NRG3: variants seen among roughly 807,000 people sequenced by gnomAD.
The protein encoded by NRG3 is neuregulin 3, also known as pro-neuregulin-3, membrane-bound isoform.
Under a neutral mutation model 66.9 loss-of-function variants are expected in NRG3, and 31 were observed. That is an observed-to-expected ratio of 0.46 (90% CI 0.35 to 0.63). The LOEUF is 0.63. Among genes scored for constraint, NRG3 ranks in the 20% least tolerant of loss-of-function variants. NRG3 has a pLI of 0.00. For synonymous variants in NRG3, 393 were observed against 359.4 expected (o/e 1.09, Z -1.06); for missense variants, 910 against 878.9 (o/e 1.04, Z -0.45).
chr10:82,523,702 G>A (rs1302697571), intron 2 of NRG3, among the ~76,000 whole-genome samples: 1 of 151,990 alleles, frequency 6.6e-6, no homozygotes, highest in Non-Finnish European at 1.5e-5. Context: ...TTGCCAAATT[G>A]TATTTGCTTA....
chr10:82,524,968 T>C (rs530968522), intron 2 of NRG3, among the ~76,000 whole-genome samples: 22 of 152,048 alleles, frequency 1.4e-4, no homozygotes, highest in African/African-American at 4.8e-4. Context: ...GATCTTTCAC[T>C]ACAATGTGTT....
In NRG3 at chr10:82,052,909, T is replaced by G. The variant is rs2063667121; in HGVS notation, c.823+176746T>G. Among the ~76,000 whole-genome samples the G allele has an allele frequency of 2.0e-5, 3 of 152,076 alleles. No homozygotes were observed. The East Asian group carries it at 5.8e-4, about 29-fold the overall frequency. ...TATAGGGCTACATTATAGGAAAGCA[T>G]TTGCAACTACACAAGAAAATATGAA... On this transcript the variant is annotated intron_variant, in intron 1 of 8. Coordinates refer to ENST00000372141, the MANE Select transcript of NRG3 (RefSeq NM_001010848.4).
chr10:82,412,900 T>C (rs907668935), intron 2 of NRG3, among the ~76,000 whole-genome samples: 3 of 152,192 alleles, frequency 2.0e-5, no homozygotes, highest in Non-Finnish European at 4.4e-5. Flanking sequence ...TTCAACTTTT[T>C]CATGAGATTG....
intron 1 of NRG3, among the ~76,000 whole-genome samples, chr10:82,018,322 G>C (rs573032967): frequency 8.5e-5 from 13 of 152,252 alleles, no homozygotes; most frequent in Admixed American, 7.2e-4. Flanking sequence ...GTACCATGCT[G>C]TTTTGGTTAC....
At chr10:82,267,146 T>G (rs553611775) in intron 1 of NRG3, among the ~76,000 whole-genome samples, 9 of 152,268 alleles carry the variant, frequency 5.9e-5, no homozygotes, top group Admixed American at 2.6e-4. Context: ...CTCCTTTGGT[T>G]TGACAAGCAG....
chr10:82,915,702 G>A (rs1283020764), intron 4 of NRG3, among the ~76,000 whole-genome samples: 3 of 152,200 alleles, frequency 2.0e-5, no homozygotes, highest in Middle Eastern at 3.4e-3. Context: ...ATATGTAAAT[G>A]TGCTGTACAA....
chr10:82,559,382 C>T (rs965572929), intron 2 of NRG3, among the ~76,000 whole-genome samples: 2 of 152,232 alleles, frequency 1.3e-5, no homozygotes, highest in South Asian at 2.1e-4. Context: ...CTGAGACTAC[C>T]GTCTAGTTCT....
intron 4 of NRG3, among the ~76,000 whole-genome samples, chr10:82,877,562 G>GTTTTTTTTTTTTTTT (rs1841946723): frequency 9.1e-6 from 1 of 109,302 alleles, no homozygotes; most frequent in Non-Finnish European, 1.7e-5. Flanking sequence ...TTTTTTTTTG[G>GTTTTTTTTTTTTTTT]ATTTTTAGTG....
intron 2 of NRG3, among the ~76,000 whole-genome samples, chr10:82,552,341 A>T (rs1036941470): frequency 6.6e-6 from 1 of 152,142 alleles, no homozygotes; most frequent in Non-Finnish European, 1.5e-5. Flanking sequence ...ATTTTTTTTA[A>T]CATGGCAGTA....
intron 2 of NRG3, among the ~76,000 whole-genome samples, chr10:82,733,132 A>C (rs1291784661): frequency 6.6e-6 from 1 of 152,236 alleles, no homozygotes; most frequent in Non-Finnish European, 1.5e-5. Context: ...TTTATGTCTA[A>C]AATCAAGGTC....
intron 1 of NRG3, among the ~76,000 whole-genome samples, chr10:82,012,687 T>C (rs2061629358): frequency 6.6e-6 from 1 of 152,206 alleles, no homozygotes; most frequent in Admixed American, 6.5e-5. Flanking sequence ...TAGAAATTTC[T>C]TCCACCAGAT....
At chr10:82,933,293 G>A (rs1847762959) in intron 4 of NRG3, among the ~76,000 whole-genome samples, 1 of 151,974 alleles carries the variant, frequency 6.6e-6, no homozygotes, top group Non-Finnish European at 1.5e-5. Flanking sequence ...TAAGCATGTG[G>A]CATAAGCTGG....
chr10:82,366,515 T>A (rs969757638), intron 2 of NRG3, among the ~76,000 whole-genome samples: 1 of 152,204 alleles, frequency 6.6e-6, no homozygotes, highest in Non-Finnish European at 1.5e-5. Flanking sequence ...TCTTGATTTT[T>A]CCCTCATTGC....
intron 2 of NRG3, among the ~76,000 whole-genome samples, chr10:82,642,684 G>A (rs1373550334): frequency 6.6e-6 from 1 of 151,720 alleles, no homozygotes; most frequent in African/African-American, 2.4e-5. Flanking sequence ...GAAACCTACA[G>A]GGTAAAAGAA....
chr10:82,830,177 T>A (rs1467529594), intron 3 of NRG3, among the ~76,000 whole-genome samples: 1 of 152,188 alleles, frequency 6.6e-6, no homozygotes, highest in Non-Finnish European at 1.5e-5. Context: ...TGTTAAAATA[T>A]TAAAAGCTCA....
At chr10:82,197,084 A>G (rs962040578) in intron 1 of NRG3, among the ~76,000 whole-genome samples, 3 of 152,150 alleles carry the variant, frequency 2.0e-5, no homozygotes, top group Admixed American at 6.6e-5. Context: ...AAAGCAGATC[A>G]GGAATCTAAG....
At chr10:82,877,598 A>C (rs1290064679) in intron 4 of NRG3, among the ~76,000 whole-genome samples, 1 of 129,216 alleles carries the variant, frequency 7.7e-6, no homozygotes, top group Non-Finnish European at 1.5e-5. Flanking sequence ...CATGTTGGCC[A>C]GGCTGGTCTT....
At chr10:82,097,017 A>T (rs909566954) in intron 1 of NRG3, among the ~76,000 whole-genome samples, 1 of 152,172 alleles carries the variant, frequency 6.6e-6, no homozygotes, top group Non-Finnish European at 1.5e-5. Flanking sequence ...AAATGCATAG[A>T]GTAACTACCA....
intron 1 of NRG3, among the ~76,000 whole-genome samples, chr10:82,239,380 T>A (rs2076907237): frequency 6.6e-6 from 1 of 152,110 alleles, no homozygotes; most frequent in African/African-American, 2.4e-5. Context: ...GGTCTCGAAT[T>A]CCTGACCTCA....
Sources: allele counts gnomAD v4.1 joint callset (sites outside exome capture counted in the v4.1 genomes callset), GRCh38; gene constraint gnomAD v4.1.1; transcripts MANE v1.5; gene names NCBI Gene and HGNC (gene_info 2026-07-23, HGNC 2026-07-21).